Variants in CSMD1 observed in about 807,000 individuals in gnomAD.
CSMD1 encodes the protein CUB and sushi domain-containing protein 1.
A neutral mutation model predicts 417.5 loss-of-function variants in CSMD1; 213 were observed. The ratio of observed to expected loss-of-function variants is 0.51; its 90% CI spans 0.46 to 0.57. CSMD1 has a LOEUF of 0.57. Ranked by LOEUF, CSMD1 falls within the 20% of genes least tolerant of loss-of-function variation. The pLI, the probability that CSMD1 is intolerant of heterozygous loss-of-function variation, is 0.00. For synonymous variants in CSMD1, 2,862 were observed against 1,736.8 expected, an observed-to-expected ratio of 1.65 and a Z score of -16.11; for missense variants, 6,923 against 4,529.7, an observed-to-expected ratio of 1.53 and a Z score of -15.17.
intron 12 of CSMD1, among the ~76,000 whole-genome samples, chr8:3,431,062 T>C (rs183002754): frequency 3.3e-5 from 5 of 152,198 alleles, no homozygotes; most frequent in African/African-American, 7.2e-5. Context: ...TTCTGGGAAA[T>C]GCAGTTTCCA....
intron 5 of CSMD1, among the ~76,000 whole-genome samples, chr8:3,911,471 T>C (rs1808462961): frequency 6.7e-6 from 1 of 148,898 alleles, no homozygotes; most frequent in Non-Finnish European, 1.5e-5. Flanking sequence ...GAGCCTGCAG[T>C]GAGCCAAGAT....
intron 12 of CSMD1, among the ~76,000 whole-genome samples, chr8:3,466,600 G>C (rs932259145): frequency 7.1e-5 from 4 of 56,144 alleles, no homozygotes; most frequent in Admixed American, 3.9e-4. Context: ...TTTTTTTTTT[G>C]TATTCTGAGG....
chr8:3,500,751 T>C (rs1255883764), intron 10 of CSMD1, among the ~76,000 whole-genome samples: 3 of 152,052 alleles, frequency 2.0e-5, no homozygotes, highest in Admixed American at 1.3e-4. Context: ...ATGGAGGACA[T>C]GGATAACCAT....
intron 5 of CSMD1, among the ~76,000 whole-genome samples, chr8:3,842,602 G>C (rs974998415): frequency 6.6e-6 from 1 of 152,118 alleles, no homozygotes; most frequent in Non-Finnish European, 1.5e-5. Flanking sequence ...CTATATGGAA[G>C]TTACATCAAG....
At chr8:3,920,245 GGATGCTCTTGAACTCCT>G (rs1314097253) in intron 5 of CSMD1, among the ~76,000 whole-genome samples, 1 of 151,864 alleles carries the variant, frequency 6.6e-6, no homozygotes, top group Non-Finnish European at 1.5e-5. Context: ...ATGTTGCCCG[GGATGCTCTTGAACTCCT>G]GGGCTCAAGT....
chr8:2,961,982 G>T (rs1803534921), intron 61 of CSMD1, among the ~76,000 whole-genome samples: 1 of 151,932 alleles, frequency 6.6e-6, no homozygotes, highest in Non-Finnish European at 1.5e-5. Context: ...CAATTTCTTA[G>T]AAAATAATCA....
intron 3 of CSMD1, among the ~76,000 whole-genome samples, chr8:4,040,988 A>ATATTT (rs1293184094): frequency 8.1e-6 from 1 of 122,822 alleles, no homozygotes; most frequent in Non-Finnish European, 1.7e-5. Context: ...ACGTGGTCCT[A>ATATTT]TATTTTCTTT....
intron 1 of CSMD1, among the ~76,000 whole-genome samples, chr8:4,716,573 G>C (rs979261623): frequency 7.9e-5 from 12 of 152,134 alleles, no homozygotes; most frequent in African/African-American, 2.7e-4. Context: ...GATGTTAAAG[G>C]AATTTACTAT....
intron 1 of CSMD1, among the ~76,000 whole-genome samples, chr8:4,671,271 C>G (rs1805308015): frequency 6.6e-6 from 1 of 152,102 alleles, no homozygotes; most frequent in African/African-American, 2.4e-5. Context: ...ACTATTAGGG[C>G]AGGTTACTGA....
intron 3 of CSMD1, among the ~76,000 whole-genome samples, chr8:4,332,038 T>C (rs1284724376): frequency 1.3e-5 from 2 of 152,124 alleles, no homozygotes; most frequent in South Asian, 2.1e-4. Flanking sequence ...TGGATGCTTG[T>C]GGTTTTTATT....
chr8:3,318,057 T>C (rs1048640121), intron 23 of CSMD1, among the ~76,000 whole-genome samples: 52 of 152,322 alleles, frequency 3.4e-4, no homozygotes, highest in African/African-American at 1.2e-3. Context: ...CACCTTGGCC[T>C]CCCAAAATGT....
Position 3,510,005 on chromosome 8 carries a change from T to G in CSMD1, c.1345-16279A>C, listed in dbSNP as rs149096732. Among the ~76,000 whole-genome samples the G allele has an allele frequency of 5.1e-3, 776 of 152,314 alleles. 6 individuals carry two copies. Among genetic ancestry groups the G allele is most frequent in the South Asian group, 0.025 (122 of 4,826 alleles). On this transcript the variant is annotated intron_variant, in intron 10 of 69. Transcript: ENST00000635120. Reference sequence around the variant, plus strand: ...AAAATTGCAAATGCATCTCTCCAATTGACGTATACAAGTCGCGTATCCACT... The same window carrying G: ...AAAATTGCAAATGCATCTCTCCAATGGACGTATACAAGTCGCGTATCCACT...
At chr8:4,219,824 A>T (rs1409659461) in intron 3 of CSMD1, among the ~76,000 whole-genome samples, 1 of 152,236 alleles carries the variant, frequency 6.6e-6, no homozygotes, top group Non-Finnish European at 1.5e-5. Flanking sequence ...AGAGCTAATT[A>T]TCTGTAAGTT....
In CSMD1 at chr8:4,270,152, G is replaced by A. The variant is rs569317708; in HGVS notation, c.415+149801C>T. On this transcript the variant is annotated intron_variant, in intron 3 of 69. Transcript: ENST00000635120. ...GTGATAGGGAGGCTGGAATGTGGAC[G>A]AGAGACTTGAAGGAGGCAAGCGGTT... Among the ~76,000 whole-genome samples the A allele has an allele frequency of 1.5e-4, 23 of 152,294 alleles. No individual in the cohort carries two copies. In the South Asian group the frequency reaches 2.7e-3, roughly 18 times the overall value.
intron 3 of CSMD1, among the ~76,000 whole-genome samples, chr8:4,381,786 T>C (rs1388181113): frequency 1.3e-5 from 2 of 152,140 alleles, no homozygotes; most frequent in Non-Finnish European, 2.9e-5. Flanking sequence ...CTTTTTCTAG[T>C]TGACCTTTTT....
At chr8:4,862,869 G>T (rs1585228962) in intron 1 of CSMD1, among the ~76,000 whole-genome samples, 1 of 152,156 alleles carries the variant, frequency 6.6e-6, no homozygotes, top group East Asian at 1.9e-4. Flanking sequence ...ATGTTCAGAA[G>T]TCAGGAACAT....
intron 1 of CSMD1, among the ~76,000 whole-genome samples, chr8:4,704,357 C>G (rs571209371): frequency 6.6e-6 from 1 of 152,192 alleles, no homozygotes; most frequent in Non-Finnish European, 1.5e-5. Context: ...GACTTGATTA[C>G]AGTACTTATT....
At chr8:4,673,380 G>T (rs1163171933) in intron 1 of CSMD1, among the ~76,000 whole-genome samples, 1 of 152,100 alleles carries the variant, frequency 6.6e-6, no homozygotes, top group Non-Finnish European at 1.5e-5. Flanking sequence ...GCTGTCTATA[G>T]GTGACCTGCT....
intron 12 of CSMD1, among the ~76,000 whole-genome samples, chr8:3,413,023 G>A (rs1000951160): frequency 6.6e-6 from 1 of 152,086 alleles, no homozygotes; most frequent in South Asian, 2.1e-4. Context: ...GTGTTTGCTG[G>A]GCCACTGTGA....
Sources: allele counts gnomAD v4.1 joint callset (sites outside exome capture counted in the v4.1 genomes callset), GRCh38; gene constraint gnomAD v4.1.1; transcripts MANE v1.5; gene names NCBI Gene and HGNC (gene_info 2026-07-23, HGNC 2026-07-21).